CMTM7: variants seen among roughly 807,000 people sequenced by gnomAD.
CMTM7 encodes the protein CKLF like MARVEL transmembrane domain containing 7, also known as CKLF-like MARVEL transmembrane domain-containing protein 7.
Under a neutral mutation model 19.3 loss-of-function variants are expected in CMTM7, and 7 were observed. The observed-to-expected ratio is 0.36, with a 90% CI of 0.21 to 0.68. CMTM7 has a LOEUF of 0.68. Among genes scored for constraint, CMTM7 ranks in the 30% least tolerant of loss-of-function variants. The probability of loss-of-function intolerance (pLI) is 0.60; values close to 1 mark genes in which losing one functional copy is unlikely to be tolerated. For missense variants in CMTM7, 193 were observed against 232.6 expected, an observed-to-expected ratio of 0.83 and a Z score of 1.11; for synonymous variants, 87 against 99.3, an observed-to-expected ratio of 0.88 and a Z score of 0.74.
chr3:32,410,396 A>T (rs1382432189), intron 1 of CMTM7, among the ~76,000 whole-genome samples: 4 of 152,246 alleles, frequency 2.6e-5, no homozygotes, highest in Non-Finnish European at 5.9e-5. Context: ...TTTCTTTGAC[A>T]AAGCCTTTGG....
At chr3:32,435,061 G>T (rs1057115976) in intron 1 of CMTM7, among the ~76,000 whole-genome samples, 7 of 152,142 alleles carry the variant, frequency 4.6e-5, no homozygotes, top group Non-Finnish European at 7.3e-5. Context: ...AATCTTAAAC[G>T]TGCATATGCT....
At chr3:32,452,258 G>A (rs1376131278) in intron 3 of CMTM7, 134 bp from the exon 4 acceptor site, 4 of 1,566,190 alleles carry the variant, frequency 2.6e-6, no homozygotes, top group Non-Finnish European at 3.5e-6. Context: ...GAGGTGGTTG[G>A]GTTAGATGAC....
intron 1 of CMTM7, among the ~76,000 whole-genome samples, chr3:32,393,510 C>T (rs1217457747): frequency 1.3e-5 from 2 of 152,058 alleles, no homozygotes; most frequent in Non-Finnish European, 2.9e-5. Context: ...CATCTTGGCC[C>T]CTGAGTTTGC....
intron 1 of CMTM7, among the ~76,000 whole-genome samples, chr3:32,421,891 A>T (rs1446050268): frequency 6.6e-6 from 1 of 152,172 alleles, no homozygotes; most frequent in Non-Finnish European, 1.5e-5. Flanking sequence ...AGTTCATTTA[A>T]TCCTTGTATT....
chr3:32,452,389 C>T lies in CMTM7; in HGVS notation c.433-3C>T, dbSNP rs1698366447. The T allele has an allele frequency of 1.2e-6, 2 of 1,614,074 alleles. No homozygotes were observed. The highest frequency in any genetic ancestry group is 2.2e-5 in the South Asian group (2 of 91,090). On this transcript the variant is annotated splice_polypyrimidine_tract_variant and splice_region_variant and intron_variant, in intron 3 of 4. Coordinates refer to ENST00000334983, the MANE Select transcript of CMTM7 (RefSeq NM_138410.4). ...AACTTCCTCTCCCCTCTCTCCACTG[C>T]AGATCTTTGGTTTCATGGCCACCTT...
intron 3 of CMTM7, chr3:32,451,888 C>T (rs1437828523): frequency 1.0e-5 from 4 of 386,590 alleles, no homozygotes; most frequent in African/African-American, 2.1e-5. Flanking sequence ...TATGTACAAA[C>T]GTAAACCTAG....
chr3:32,452,137 C>G, intron 3 of CMTM7: 2 of 1,479,980 alleles, frequency 1.4e-6, no homozygotes, highest in Non-Finnish European at 1.8e-6. Flanking sequence ...CTGAAGCTGC[C>G]AAGAGTGAAG....
intron 1 of CMTM7, among the ~76,000 whole-genome samples, chr3:32,393,737 C>A (rs1268404446): frequency 6.9e-6 from 1 of 144,522 alleles, no homozygotes; most frequent in Non-Finnish European, 1.5e-5. Context: ...AACTGTGCCA[C>A]TGCACTAGTC....
At chr3:32,408,409 G>C (rs1220663246) in intron 1 of CMTM7, among the ~76,000 whole-genome samples, 2 of 152,198 alleles carry the variant, frequency 1.3e-5, no homozygotes, top group Non-Finnish European at 2.9e-5. Flanking sequence ...CTCATTTCTA[G>C]GAATTAACTT....
intron 1 of CMTM7, among the ~76,000 whole-genome samples, chr3:32,413,504 C>T (rs1440306051): frequency 6.6e-6 from 1 of 152,192 alleles, no homozygotes. Flanking sequence ...TTCATTTGTA[C>T]TCAGAGGTAA....
chr3:32,454,172 C>T, intron 4 of CMTM7, 69 bp from the exon 5 acceptor site: 1 of 1,533,614 alleles, frequency 6.5e-7, no homozygotes, highest in Non-Finnish European at 8.8e-7. Flanking sequence ...GGAGTCAAAC[C>T]TGTGGAGTGT....
In CMTM7 at chr3:32,454,348, T is replaced by A. The variant is rs1365237081; in HGVS notation, c.*94T>A. 2.0e-6 allele frequency: 3 copies of A among 1,508,982 alleles called. No homozygotes were observed. The highest frequency in any genetic ancestry group is 2.8e-6 in the Non-Finnish European group (3 of 1,088,864). The allele number at this position is 1,508,982 out of a possible 1,614,324, so 93.5% of individuals were successfully genotyped here. ...CTGGACCTGTGTTCCTGTGCCAAAG[T>A]CCTGTCAGGCTGGTGGGCACCAGGA... is the stretch of plus-strand genomic sequence containing the variant. On this transcript the variant is annotated 3_prime_UTR_variant, in exon 5 of 5. Coordinates refer to ENST00000334983, the MANE Select transcript of CMTM7 (RefSeq NM_138410.4).
At chr3:32,442,520 A>AG (rs1268929305) in intron 2 of CMTM7, among the ~76,000 whole-genome samples, 4 of 137,330 alleles carry the variant, frequency 2.9e-5, no homozygotes, top group African/African-American at 1.1e-4. Flanking sequence ...AAAAAAAAAA[A>AG]AAAAAAAGAA....
chr3:32,403,920 G>C (rs1559401191), intron 1 of CMTM7, among the ~76,000 whole-genome samples: 1 of 152,148 alleles, frequency 6.6e-6, no homozygotes, highest in African/African-American at 2.4e-5. Context: ...AATTCAGCTG[G>C]AGTGGGGAAA....
intron 1 of CMTM7, among the ~76,000 whole-genome samples, chr3:32,429,055 C>T (rs968359422): frequency 2.6e-5 from 4 of 152,176 alleles, no homozygotes; most frequent in Admixed American, 2.0e-4. Flanking sequence ...TTCAGTTTAT[C>T]GAAAGGAACC....
intron 1 of CMTM7, among the ~76,000 whole-genome samples, chr3:32,411,972 A>C (rs1019353693): frequency 6.6e-6 from 1 of 152,206 alleles, no homozygotes; most frequent in African/African-American, 2.4e-5. Flanking sequence ...GTCTCTGCAA[A>C]GTCCCAGAGT....
At chr3:32,412,343 C>T (rs1440986801) in intron 1 of CMTM7, among the ~76,000 whole-genome samples, 1 of 151,946 alleles carries the variant, frequency 6.6e-6, no homozygotes, top group African/African-American at 2.4e-5. Flanking sequence ...AAATATTAGC[C>T]GGGTATGGTG....
intron 1 of CMTM7, among the ~76,000 whole-genome samples, chr3:32,429,999 A>G (rs1476758195): frequency 1.3e-5 from 2 of 152,240 alleles, no homozygotes; most frequent in Non-Finnish European, 2.9e-5. Context: ...TCACCCGACT[A>G]CAACAATCAT....
At chr3:32,450,332 G>A (rs1020252604) in intron 3 of CMTM7, among the ~76,000 whole-genome samples, 23 of 152,148 alleles carry the variant, frequency 1.5e-4, no homozygotes, top group Admixed American at 7.2e-4. Context: ...CCAGGCACTC[G>A]GCAGGAATGC....
Sources: gnomAD v4.1 joint callset for allele counts (sites outside exome capture counted in the v4.1 genomes callset) on GRCh38, gnomAD v4.1.1 for gene constraint, MANE v1.5 for transcripts, NCBI Gene and HGNC (gene_info 2026-07-23, HGNC 2026-07-21) for gene names.